Variants in TRIO observed in about 807,000 individuals in gnomAD.
TRIO encodes the protein triple functional domain protein.
In TRIO, 58 loss-of-function variants were observed where a neutral mutation model predicts 351.9. That is an observed-to-expected ratio of 0.16 (90% CI 0.13 to 0.21). The LOEUF (loss-of-function observed/expected upper bound fraction) is 0.21, where lower values mean the gene tolerates loss of function less well. TRIO is among the 10% of genes least tolerant of loss of function. The pLI is 1.00. For synonymous variants in TRIO, 1,758 were observed against 1,595.7 expected, an observed-to-expected ratio of 1.10 and a Z score of -2.42; for missense variants, 3,201 against 4,027.8, an observed-to-expected ratio of 0.79 and a Z score of 5.56.
In TRIO at chr5:14,492,557, C is replaced by A. The variant is rs749514833; in HGVS notation, c.7633-10C>A. Reference sequence around the variant, plus strand: ...CCTGCCTTTCTCTGTCTTCATCTGTCCCTCTGCAGAGTGAAAGCAGCAGCA... The same window carrying A: ...CCTGCCTTTCTCTGTCTTCATCTGTACCTCTGCAGAGTGAAAGCAGCAGCA... On this transcript the variant is annotated splice_polypyrimidine_tract_variant and intron_variant, in intron 48 of 56. Transcript: ENST00000344204. 2 of 1,613,574 alleles carry A rather than the reference C, an allele frequency of 1.2e-6. No individual in the cohort carries two copies. Among genetic ancestry groups the A allele is most frequent in the South Asian group, 2.2e-5 (2 of 91,026 alleles).
At chr5:14,433,562 G>T (rs1057249748) in intron 34 of TRIO, among the ~76,000 whole-genome samples, 4 of 152,152 alleles carry the variant, frequency 2.6e-5, no homozygotes, top group African/African-American at 9.7e-5. Context: ...GTGGCGAAAG[G>T]AAAACAGTCC....
intron 4 of TRIO, 73 bp from the exon 5 acceptor site, chr5:14,290,643 A>G: frequency 3.5e-6 from 5 of 1,445,346 alleles, no homozygotes; most frequent in Admixed American, 2.3e-5. Flanking sequence ...GTGACTGAGC[A>G]TTGCAAATTG....
At chr5:14,183,894 T>C (rs1350346593) in intron 1 of TRIO, 1 of 693,004 alleles carries the variant, frequency 1.4e-6, no homozygotes, top group Non-Finnish European at 2.6e-6. Context: ...TTTACTTCGA[T>C]TTTATTTTCG....
chr5:14,284,669 G>A (rs1430750902), intron 3 of TRIO, among the ~76,000 whole-genome samples: 1 of 152,170 alleles, frequency 6.6e-6, no homozygotes, highest in Non-Finnish European at 1.5e-5. Context: ...TTTGTAGTTC[G>A]TGTGCATACT....
intron 11 of TRIO, among the ~76,000 whole-genome samples, chr5:14,354,844 C>G (rs79650193): frequency 6.6e-6 from 1 of 152,190 alleles, no homozygotes; most frequent in South Asian, 2.1e-4. Context: ...CGGGAATACT[C>G]CATTTCCTAG....
chr5:14,186,702 T>G (rs1245131903), intron 1 of TRIO, among the ~76,000 whole-genome samples: 1 of 152,038 alleles, frequency 6.6e-6, no homozygotes, highest in Non-Finnish European at 1.5e-5. Flanking sequence ...CTCAGCCTCC[T>G]AAGTAGTTGG....
At chr5:14,367,046 C>G (rs1744661238) in intron 16 of TRIO, 67 bp downstream of exon 16, 1 of 1,595,074 alleles carries the variant, frequency 6.3e-7, no homozygotes, top group Non-Finnish European at 8.5e-7. Context: ...CTGAATCCCC[C>G]AACATGGCAC....
intron 34 of TRIO, among the ~76,000 whole-genome samples, chr5:14,433,990 G>A (rs1484164976): frequency 1.3e-5 from 2 of 152,080 alleles, no homozygotes; most frequent in Non-Finnish European, 2.9e-5. Context: ...AGCACCATTT[G>A]TATATTGATC....
At chr5:14,401,498 A>G (rs1050883203) in intron 31 of TRIO, among the ~76,000 whole-genome samples, 7 of 152,230 alleles carry the variant, frequency 4.6e-5, no homozygotes, top group African/African-American at 1.7e-4. Flanking sequence ...CCGTACCCAC[A>G]GTCCTTACAG....
At chr5:14,396,902 T>C in intron 28 of TRIO, 141 bp from the exon 29 acceptor site, 1 of 671,474 alleles carries the variant, frequency 1.5e-6, no homozygotes, top group South Asian at 1.9e-5. Flanking sequence ...TAGTAGTTTA[T>C]TTCTATGAGA....
At chr5:14,454,052 C>G (rs1019086504) in intron 34 of TRIO, among the ~76,000 whole-genome samples, 3 of 152,098 alleles carry the variant, frequency 2.0e-5, no homozygotes, top group African/African-American at 7.2e-5. Context: ...GCCTCAGCTT[C>G]CCGAGTAGCT....
intron 1 of TRIO, among the ~76,000 whole-genome samples, chr5:14,237,128 T>C (rs75832624): frequency 0.026 from 3,934 of 152,326 alleles, 77 homozygotes; most frequent in Non-Finnish European, 0.039. Context: ...TCCAAAATGC[T>C]TGGGACCAGA....
At chr5:14,500,378 G>A (rs1415069675) in intron 53 of TRIO, among the ~76,000 whole-genome samples, 6 of 152,184 alleles carry the variant, frequency 3.9e-5, no homozygotes, top group Non-Finnish European at 5.9e-5. Context: ...GCCTTGCAGA[G>A]CCCCAGTTCT....
At chr5:14,209,905 A>G (rs1043192029) in intron 1 of TRIO, among the ~76,000 whole-genome samples, 2 of 152,220 alleles carry the variant, frequency 1.3e-5, no homozygotes, top group Non-Finnish European at 2.9e-5. Flanking sequence ...GTGGCAGAGC[A>G]TTGCAGCCCC....
chr5:14,424,799 A>T (rs1750501506), intron 34 of TRIO, among the ~76,000 whole-genome samples: 2 of 152,232 alleles, frequency 1.3e-5, no homozygotes, highest in Non-Finnish European at 2.9e-5. Flanking sequence ...ACATATTTTC[A>T]TTCGGAACTG....
chr5:14,391,021 T>G lies in TRIO; in HGVS notation c.4218+31T>G, dbSNP rs1233764270. The stretch of plus-strand genomic sequence containing the variant: ...TAATAGATTCCTAAAGAGACCATAA[T>G]TTTCCAAGTTGTGTACATAAAATGC... On this transcript the variant is annotated intron_variant, in intron 27 of 56. Transcript: ENST00000344204. The G allele has an allele frequency of 2.6e-6, 4 of 1,543,336 alleles. No individual in the cohort carries two copies. In the African/African-American group the frequency reaches 5.6e-5, roughly 22 times the overall value.
At chr5:14,437,304 G>A (rs1307559050) in intron 34 of TRIO, among the ~76,000 whole-genome samples, 1 of 151,820 alleles carries the variant, frequency 6.6e-6, no homozygotes, top group Non-Finnish European at 1.5e-5. Flanking sequence ...TTTTTCCTTT[G>A]GTTTTACAGT....
chr5:14,228,108 A>G (rs1331784016), intron 1 of TRIO, among the ~76,000 whole-genome samples: 3 of 152,190 alleles, frequency 2.0e-5, no homozygotes, highest in Admixed American at 6.5e-5. Context: ...CCGATTTCCT[A>G]GTAGAGGAAA....
chr5:14,322,635 C>G (rs1391486173), intron 9 of TRIO, among the ~76,000 whole-genome samples: 5 of 152,180 alleles, frequency 3.3e-5, no homozygotes, highest in Non-Finnish European at 5.9e-5. Context: ...ATCACCTACA[C>G]TAGACCTAGC....
Sources: gnomAD v4.1 joint callset for allele counts (sites outside exome capture counted in the v4.1 genomes callset) on GRCh38, gnomAD v4.1.1 for gene constraint, MANE v1.5 for transcripts, NCBI Gene and HGNC (gene_info 2026-07-23, HGNC 2026-07-21) for gene names.